Variants in EEFSEC observed in about 807,000 individuals in gnomAD.
EEFSEC encodes the protein eukaryotic elongation factor, selenocysteine-tRNA specific.
In EEFSEC, 43 loss-of-function variants were observed where a neutral mutation model predicts 42.1. The observed-to-expected ratio is 1.02, with a 90% CI of 0.80 to 1.32. EEFSEC has a LOEUF of 1.32. EEFSEC is among the 40% of genes most tolerant of loss of function. EEFSEC has a pLI of 0.00. For synonymous variants in EEFSEC, 354 were observed against 339.1 expected (o/e 1.04, Z -0.48); for missense variants, 745 against 803.6 (o/e 0.93, Z 0.88).
At chr3:128,214,249 G>A (rs2065787709) in intron 1 of EEFSEC, among the ~76,000 whole-genome samples, 1 of 152,166 alleles carries the variant, frequency 6.6e-6, no homozygotes, top group South Asian at 2.1e-4. Context: ...GAACATGCAG[G>A]AATGCACACA....
At chr3:128,389,817 G>A (rs2067886459) in intron 6 of EEFSEC, among the ~76,000 whole-genome samples, 2 of 152,240 alleles carry the variant, frequency 1.3e-5, no homozygotes, top group South Asian at 4.2e-4. Flanking sequence ...AGAATGGGCA[G>A]GGCAGGCCCC....
At chr3:128,182,599 C>T (rs1189562268) in intron 1 of EEFSEC, among the ~76,000 whole-genome samples, 1 of 152,098 alleles carries the variant, frequency 6.6e-6, no homozygotes, top group Non-Finnish European at 1.5e-5. Context: ...ACATACTGTT[C>T]CACTCTCAGG....
At chr3:128,212,646 CAG>C (rs1252889075) in intron 1 of EEFSEC, among the ~76,000 whole-genome samples, 1 of 152,182 alleles carries the variant, frequency 6.6e-6, no homozygotes, top group Admixed American at 6.5e-5. Flanking sequence ...GGTTTAGAAA[CAG>C]GGCTTTTGCT....
intron 6 of EEFSEC, among the ~76,000 whole-genome samples, chr3:128,366,708 T>C (rs557338331): frequency 6.6e-6 from 1 of 152,298 alleles, no homozygotes; most frequent in Admixed American, 6.5e-5. Context: ...GGCACATGGC[T>C]CAAACAAGAC....
At chr3:128,308,940 G>C (rs2066861015) in intron 4 of EEFSEC, among the ~76,000 whole-genome samples, 1 of 152,192 alleles carries the variant, frequency 6.6e-6, no homozygotes, top group South Asian at 2.1e-4. Flanking sequence ...GAGTCCGTGA[G>C]GTGTGTTTGT....
chr3:128,169,498 T>C (rs1328176085), intron 1 of EEFSEC, among the ~76,000 whole-genome samples: 1 of 152,218 alleles, frequency 6.6e-6, no homozygotes, highest in African/African-American at 2.4e-5. Flanking sequence ...AGGCCAGCCT[T>C]CTGGATATGC....
chr3:128,259,656 C>T (rs916028488), intron 2 of EEFSEC, among the ~76,000 whole-genome samples: 1 of 152,218 alleles, frequency 6.6e-6, no homozygotes, highest in Non-Finnish European at 1.5e-5. Context: ...TCCTCATTCT[C>T]TGTGCGCCAC....
the EEFSEC span, among the ~76,000 whole-genome samples, chr3:128,425,434 G>C: frequency 1.3e-5 from 2 of 152,246 alleles, no homozygotes; most frequent in African/African-American, 4.8e-5. Flanking sequence ...TTCCAGTTTG[G>C]GGTGACTGTG....
intron 1 of EEFSEC, among the ~76,000 whole-genome samples, chr3:128,226,783 C>A (rs1189354520): frequency 1.3e-5 from 2 of 152,200 alleles, no homozygotes; most frequent in Non-Finnish European, 2.9e-5. Context: ...AGCCTAGGGA[C>A]AGCCATACAG....
chr3:128,223,553 A>C (rs188536690), intron 1 of EEFSEC, among the ~76,000 whole-genome samples: 1 of 152,342 alleles, frequency 6.6e-6, no homozygotes, highest in Non-Finnish European at 1.5e-5. Context: ...TATGGTATAC[A>C]ACTTGTGATA....
At chr3:128,305,166 G>C (rs990206336) in intron 4 of EEFSEC, among the ~76,000 whole-genome samples, 1 of 151,988 alleles carries the variant, frequency 6.6e-6, no homozygotes, top group African/African-American at 2.4e-5. Context: ...TCTTCATGGC[G>C]TATTTTGGAG....
At chr3:128,207,077 A>G (rs1227041293) in intron 1 of EEFSEC, among the ~76,000 whole-genome samples, 1 of 152,224 alleles carries the variant, frequency 6.6e-6, no homozygotes, top group African/African-American at 2.4e-5. Context: ...TTCTACTGCT[A>G]TAATTCAGGG....
chr3:128,368,634 C>G (rs887822722), intron 6 of EEFSEC, among the ~76,000 whole-genome samples: 1 of 152,248 alleles, frequency 6.6e-6, no homozygotes, highest in African/African-American at 2.4e-5. Flanking sequence ...GAAGCTTTCT[C>G]ACTGTTGCTA....
chr3:128,268,737 G>C (rs907925410), intron 4 of EEFSEC, among the ~76,000 whole-genome samples: 4 of 152,094 alleles, frequency 2.6e-5, no homozygotes, highest in African/African-American at 9.7e-5. Flanking sequence ...GGGTGCCCAT[G>C]GTTGCCGGAA....
intron 1 of EEFSEC, among the ~76,000 whole-genome samples, chr3:128,239,688 A>G (rs1020290092): frequency 2.0e-5 from 3 of 152,218 alleles, no homozygotes; most frequent in Non-Finnish European, 2.9e-5. Context: ...TGAGTTTCCA[A>G]CTAGAGTGGT....
intron 1 of EEFSEC, among the ~76,000 whole-genome samples, chr3:128,239,903 G>A (rs1159051234): frequency 6.6e-6 from 1 of 152,224 alleles, no homozygotes; most frequent in African/African-American, 2.4e-5. Flanking sequence ...CCCACTGGAG[G>A]GTCTGGGCCT....
Position 128,408,380 on chromosome 3 carries a change from C to G in EEFSEC, c.*121C>G. On this transcript the variant is annotated 3_prime_UTR_variant, in exon 7 of 7. Transcript: ENST00000254730. ...TCCCTGCAGTCCTGCAGCAGCAGCC[C>G]CCACCCCCAAGCTTGGTGCTGAGCC... 8.9e-7 allele frequency: 1 copy of G among 1,120,294 alleles called. No individual in the cohort carries two copies. The highest frequency in any genetic ancestry group is 1.3e-6 in the Non-Finnish European group (1 of 799,882). 69.4% of individuals were successfully genotyped at this position (1,120,294 alleles called of 1,614,324 possible).
chr3:128,370,656 A>C (rs970225614), intron 6 of EEFSEC, among the ~76,000 whole-genome samples: 1 of 152,104 alleles, frequency 6.6e-6, no homozygotes, highest in East Asian at 1.9e-4. Context: ...CTCTCTCCCC[A>C]GCCCAGCTCT....
intron 6 of EEFSEC, among the ~76,000 whole-genome samples, chr3:128,361,086 G>A (rs1040666321): frequency 6.6e-6 from 1 of 152,146 alleles, no homozygotes; most frequent in Non-Finnish European, 1.5e-5. Flanking sequence ...GAGAGGTAAG[G>A]CTCCCAGCCT....
Sources: allele counts gnomAD v4.1 joint callset (sites outside exome capture counted in the v4.1 genomes callset), GRCh38; gene constraint gnomAD v4.1.1; transcripts MANE v1.5; gene names NCBI Gene and HGNC (gene_info 2026-07-23, HGNC 2026-07-21).